The following CAMTA1 variants were observed in gnomAD, a reference collection of about 807,000 sequenced individuals.
CAMTA1 encodes the protein calmodulin binding transcription activator 1, also known as calmodulin-binding transcription activator 1.
In CAMTA1, 27 loss-of-function variants were observed where a neutral mutation model predicts 170.9. The observed-to-expected ratio is 0.16, with a 90% CI of 0.12 to 0.22. The LOEUF is 0.22. Among genes scored for constraint, CAMTA1 ranks in the 10% least tolerant of loss-of-function variants. The pLI is 1.00. For missense variants in CAMTA1, 1,619 were observed against 2,217.2 expected, an observed-to-expected ratio of 0.73 and a Z score of 5.42; for synonymous variants, 833 against 891.5, an observed-to-expected ratio of 0.93 and a Z score of 1.17.
intron 6 of CAMTA1, among the ~76,000 whole-genome samples, chr1:7,563,338 G>C (rs1274404902): frequency 6.6e-6 from 1 of 152,182 alleles, no homozygotes; most frequent in Non-Finnish European, 1.5e-5. Flanking sequence ...TGGGTCTGTG[G>C]AACCAGCCGC....
In CAMTA1 at chr1:6,985,128, G is replaced by A. The variant is rs117405773; in HGVS notation, c.235-106176G>A. Among the ~76,000 whole-genome samples, 11 of 152,318 alleles carry A rather than the reference G, an allele frequency of 7.2e-5. No individual in the cohort carries two copies. In the East Asian group the frequency reaches 1.4e-3, roughly 19 times the overall value. ...AGGCTGTCCCCTAAGCTACAAGCCC[G>A]GGAAACCTGCCCATTTGGAGCTGTG... On this transcript the variant is annotated intron_variant, in intron 3 of 22. Transcript: ENST00000303635.
At chr1:7,383,520 C>T (rs1250646165) in intron 5 of CAMTA1, among the ~76,000 whole-genome samples, 1 of 152,094 alleles carries the variant, frequency 6.6e-6, no homozygotes, top group Non-Finnish European at 1.5e-5. Flanking sequence ...TAAAAATGGG[C>T]GTAGGATATC....
chr1:7,488,543 CAT>C (rs1169354759), intron 6 of CAMTA1, among the ~76,000 whole-genome samples: 3 of 152,102 alleles, frequency 2.0e-5, no homozygotes, highest in African/African-American at 4.8e-5. Flanking sequence ...CATGCACACA[CAT>C]ACATCTGTAC....
At chr1:7,059,996 C>G (rs943410850) in intron 3 of CAMTA1, among the ~76,000 whole-genome samples, 1 of 152,160 alleles carries the variant, frequency 6.6e-6, no homozygotes, top group Non-Finnish European at 1.5e-5. Flanking sequence ...CCTGGGCAGC[C>G]GCCACAGCTG....
At chr1:7,548,942 G>A (rs1203409392) in intron 6 of CAMTA1, among the ~76,000 whole-genome samples, 1 of 137,336 alleles carries the variant, frequency 7.3e-6, no homozygotes, top group Non-Finnish European at 1.6e-5. Flanking sequence ...TGCTGGTGTA[G>A]GGTGTCCCCT....
chr1:7,671,776 T>C (rs1033404202), intron 10 of CAMTA1, among the ~76,000 whole-genome samples: 7 of 152,136 alleles, frequency 4.6e-5, no homozygotes, highest in Non-Finnish European at 7.3e-5. Flanking sequence ...GCTCCAGCAT[T>C]ATCTGCTTAG....
intron 6 of CAMTA1, among the ~76,000 whole-genome samples, chr1:7,518,956 C>T (rs966857939): frequency 7.2e-5 from 11 of 151,974 alleles, no homozygotes; most frequent in African/African-American, 2.7e-4. Flanking sequence ...AGGGGGCCCC[C>T]GGCCCTGTGC....
chr1:6,974,095 C>A (rs189800693), intron 3 of CAMTA1, among the ~76,000 whole-genome samples: 1 of 152,186 alleles, frequency 6.6e-6, no homozygotes, highest in East Asian at 1.9e-4. Flanking sequence ...CTGGAGCTTA[C>A]TGGGGGCCCA....
intron 5 of CAMTA1, among the ~76,000 whole-genome samples, chr1:7,262,710 A>AC (rs1668356168): frequency 6.6e-6 from 1 of 152,154 alleles, no homozygotes; most frequent in African/African-American, 2.4e-5. Context: ...CCTTCAAGGG[A>AC]CACCAGCCTG....
chr1:6,957,770 T>C (rs1441048083), intron 3 of CAMTA1, among the ~76,000 whole-genome samples: 1 of 151,730 alleles, frequency 6.6e-6, no homozygotes, highest in East Asian at 1.9e-4. Context: ...TAACGTAGTA[T>C]ATTCACAGGT....
At chr1:7,252,966 C>T (rs1666848372) in intron 5 of CAMTA1, among the ~76,000 whole-genome samples, 1 of 152,140 alleles carries the variant, frequency 6.6e-6, no homozygotes, top group South Asian at 2.1e-4. Context: ...CTCAGCCAGG[C>T]ACAGGATGGG....
intron 5 of CAMTA1, among the ~76,000 whole-genome samples, chr1:7,460,941 A>G (rs2093071150): frequency 6.6e-6 from 1 of 152,132 alleles, no homozygotes. Context: ...CACCACAGCC[A>G]GCCTAACGTG....
At chr1:7,158,993 C>G (rs1447274120) in intron 4 of CAMTA1, among the ~76,000 whole-genome samples, 3 of 151,892 alleles carry the variant, frequency 2.0e-5, no homozygotes, top group African/African-American at 7.3e-5. Flanking sequence ...AATGGGTCTT[C>G]TTTTATTTAA....
At chr1:6,871,884 G>A in intron 3 of CAMTA1, 1 of 1,437,658 alleles carries the variant, frequency 7.0e-7, no homozygotes, top group East Asian at 2.7e-5. Context: ...TTTAATTTTG[G>A]TGTACAAGCT....
At chr1:7,302,109 C>T (rs1478976112) in intron 5 of CAMTA1, among the ~76,000 whole-genome samples, 1 of 146,202 alleles carries the variant, frequency 6.8e-6, no homozygotes, top group African/African-American at 2.5e-5. Context: ...TTTTCCAAGA[C>T]AAAATTATGC....
At chr1:6,820,286 G>T in intron 2 of CAMTA1, 36 bp downstream of exon 2, 1 of 1,612,758 alleles carries the variant, frequency 6.2e-7, no homozygotes, top group Non-Finnish European at 8.5e-7. Flanking sequence ...TACAGGAAGG[G>T]GTGGGCTTGG....
chr1:7,338,083 A>G (rs1368807439), intron 5 of CAMTA1, among the ~76,000 whole-genome samples: 2 of 152,006 alleles, frequency 1.3e-5, no homozygotes, highest in Non-Finnish European at 2.9e-5. Context: ...ATATTGTCCT[A>G]TTGGTTCTTT....
intron 4 of CAMTA1, among the ~76,000 whole-genome samples, chr1:7,181,197 C>A (rs1202479666): frequency 3.9e-5 from 6 of 152,144 alleles, no homozygotes; most frequent in Non-Finnish European, 8.8e-5. Flanking sequence ...ATTCAATATG[C>A]ATTCCTGATA....
chr1:7,735,358 T>C (rs1390963446), intron 12 of CAMTA1, among the ~76,000 whole-genome samples: 1 of 151,438 alleles, frequency 6.6e-6, no homozygotes, highest in African/African-American at 2.4e-5. Context: ...TAGCTAGAAA[T>C]TGCTTGAACC....
Sources: allele counts gnomAD v4.1 joint callset (sites outside exome capture counted in the v4.1 genomes callset), GRCh38; gene constraint gnomAD v4.1.1; transcripts MANE v1.5; gene names NCBI Gene and HGNC (gene_info 2026-07-23, HGNC 2026-07-21).